LRP6: variants seen among roughly 807,000 people sequenced by gnomAD.
LRP6 encodes low-density lipoprotein receptor-related protein 6.
Under a neutral mutation model 184.1 loss-of-function variants are expected in LRP6, and 43 were observed. The ratio of observed to expected loss-of-function variants is 0.23; its 90% CI spans 0.18 to 0.30. The LOEUF is 0.30. Ranked by LOEUF, LRP6 falls within the 10% of genes least tolerant of loss-of-function variation. The probability of loss-of-function intolerance (pLI) is 1.00; values close to 1 mark genes in which losing one functional copy is unlikely to be tolerated. For synonymous variants in LRP6, 719 were observed against 684.9 expected (o/e 1.05, Z -0.78); for missense variants, 1,571 against 2,005.3 (o/e 0.78, Z 4.14).
In LRP6 at chr12:12,138,768, A is replaced by G. The variant is rs1591875913; in HGVS notation, c.3398-234T>C. ...GTGCCCAATGTGCAGTAAATATTCT[A>G]GTTCATAGAAATGTAGAAAAGAACT... On this transcript the variant is annotated intron_variant, in intron 15 of 22. Transcript: ENST00000261349. 5.4e-6 allele frequency: 8 copies of G among 1,491,134 alleles called. No homozygotes were observed. The East Asian group carries it at 2.2e-4, about 41-fold the overall frequency. 92.4% of individuals were successfully genotyped at this position (1,491,134 alleles called of 1,614,324 possible).
chr12:12,208,408 A>G (rs929301221), intron 2 of LRP6, among the ~76,000 whole-genome samples: 14 of 152,238 alleles, frequency 9.2e-5, no homozygotes, highest in Admixed American at 9.2e-4. Context: ...CTAACTCAGT[A>G]AAGTTGCTTA....
At position 12,124,643 on chromosome 12, in the gene LRP6, G is replaced by T. The variant is rs1159445180; in HGVS notation, c.4469C>A (p.Ser1490Tyr). 6.2e-7 allele frequency: 1 copy of T among 1,611,954 alleles called. No individual in the cohort carries two copies. The highest frequency in any genetic ancestry group is 1.7e-5 in the Admixed American group (1 of 60,004). ...GTAATGTGATCGCTCTGTGGCTGGG[G>T]ATGGTGGAGGGTTCAAAATCTAAAA... is the stretch of plus-strand genomic sequence containing the variant. ...YFPAILNPPP[S>Y]PATERSHYTM... Residue 1490 changes from serine to tyrosine, a missense_variant, in exon 22 of 23, where the codon TCC becomes TAC. Around this residue, in one of 4 missense-constraint regions of LRP6, gnomAD observed 763 missense variants for 859.5 expected, o/e 0.89. Coordinates refer to ENST00000261349, the MANE Select transcript of LRP6 (RefSeq NM_002336.3).
At chr12:12,172,813 C>G (rs1432982282) in intron 7 of LRP6, among the ~76,000 whole-genome samples, 1 of 152,098 alleles carries the variant, frequency 6.6e-6, no homozygotes, top group Non-Finnish European at 1.5e-5. Flanking sequence ...ACTGAGATGA[C>G]AAGTATAAAG....
chr12:12,261,475 A>G (rs1865615599), intron 1 of LRP6, among the ~76,000 whole-genome samples: 1 of 152,194 alleles, frequency 6.6e-6, no homozygotes, highest in Non-Finnish European at 1.5e-5. Flanking sequence ...TAAAACCTTA[A>G]AATTTAATAA....
intron 3 of LRP6, among the ~76,000 whole-genome samples, chr12:12,201,790 T>C (rs888049519): frequency 1.3e-5 from 2 of 152,226 alleles, no homozygotes; most frequent in Non-Finnish European, 2.9e-5. Context: ...ATTCATCATA[T>C]ACTTACTTTT....
intron 9 of LRP6, among the ~76,000 whole-genome samples, chr12:12,162,719 G>A (rs1862769165): frequency 6.6e-6 from 1 of 152,146 alleles, no homozygotes; most frequent in Non-Finnish European, 1.5e-5. Context: ...TAATCAAGTG[G>A]AAAAGCTGTG....
intron 2 of LRP6, among the ~76,000 whole-genome samples, chr12:12,231,486 C>T (rs933971601): frequency 6.6e-6 from 1 of 152,080 alleles, no homozygotes; most frequent in Non-Finnish European, 1.5e-5. Flanking sequence ...ACTGCCCCTA[C>T]ATAGGTTTAG....
chr12:12,203,096 G>A, intron 3 of LRP6, 107 bp downstream of exon 3: 1 of 739,846 alleles, frequency 1.4e-6, no homozygotes, highest in Admixed American at 2.9e-5. Context: ...CTTCCCCTCT[G>A]GCACTTAGTC....
chr12:12,263,408 T>C (rs1865675770), intron 1 of LRP6, among the ~76,000 whole-genome samples: 1 of 150,818 alleles, frequency 6.6e-6, no homozygotes, highest in Admixed American at 6.6e-5. Flanking sequence ...ACCCCGTCTC[T>C]ACTAAAAAAT....
At chr12:12,203,499 G>T in intron 2 of LRP6, 99 bp from the exon 3 acceptor site, 1 of 939,530 alleles carries the variant, frequency 1.1e-6, no homozygotes, top group Non-Finnish European at 1.7e-6. Context: ...GCGCGCAGTG[G>T]CTCACACTTG....
In LRP6 at chr12:12,139,067, C is replaced by G. The variant is rs551896444; in HGVS notation, c.3398-533G>C. On this transcript the variant is annotated intron_variant, in intron 15 of 22. Coordinates refer to ENST00000261349, the MANE Select transcript of LRP6 (RefSeq NM_002336.3). ...GCTATTGTTGCACAGTGAGAAAGTT[C>G]TTTTATACAGTGGGCTAAAATCTGT... 2.9e-5 allele frequency: 35 copies of G among 1,201,430 alleles called. No homozygotes were observed. The South Asian group carries it at 4.3e-4, about 15-fold the overall frequency. The allele number at this position is 1,201,430 out of a possible 1,614,324, so 74.4% of individuals were successfully genotyped here.
At chr12:12,195,505 C>T (rs1050768723) in intron 3 of LRP6, among the ~76,000 whole-genome samples, 2 of 151,962 alleles carry the variant, frequency 1.3e-5, no homozygotes, top group Non-Finnish European at 2.9e-5. Context: ...TCTTTTGATA[C>T]ATGTCTATTC....
chr12:12,153,604 A>G (rs1950110287), intron 12 of LRP6, among the ~76,000 whole-genome samples: 3 of 152,226 alleles, frequency 2.0e-5, no homozygotes, highest in African/African-American at 7.2e-5. Context: ...TTATTTCTAA[A>G]AGGCAGCTAA....
At position 12,126,926 on chromosome 12, in the gene LRP6, A is replaced by C; in HGVS notation, c.4082-5T>G. 1.2e-6 allele frequency: 2 copies of C among 1,607,092 alleles called. No individual in the cohort carries two copies. Among genetic ancestry groups the C allele is most frequent in the South Asian group, 2.2e-5 (2 of 90,930 alleles). On this transcript the variant is annotated splice_polypyrimidine_tract_variant and splice_region_variant and intron_variant, in intron 19 of 22. Transcript: ENST00000261349. ...GTGCTGGTTCTTCAGTCGGATCTAC[A>C]ATGAAGAATGCAGTATGGTTATTTA...
intron 2 of LRP6, among the ~76,000 whole-genome samples, chr12:12,230,723 A>T (rs1339449500): frequency 6.6e-6 from 1 of 152,208 alleles, no homozygotes; most frequent in African/African-American, 2.4e-5. Context: ...TGGTAAAAAG[A>T]CAACCAGAAA....
intron 2 of LRP6, among the ~76,000 whole-genome samples, chr12:12,216,210 CAG>C (rs780628280): frequency 1.1e-4 from 16 of 152,170 alleles, no homozygotes; most frequent in East Asian, 5.8e-4. Flanking sequence ...AGGGAGAAGA[CAG>C]AAAGATTTGG....
chr12:12,232,789 A>T (rs905907769), intron 2 of LRP6, among the ~76,000 whole-genome samples: 8 of 152,228 alleles, frequency 5.3e-5, no homozygotes, highest in African/African-American at 1.9e-4. Flanking sequence ...AATAATCAAT[A>T]GATGAGTGGT....
chr12:12,202,001 TAC>T (rs1350841851), intron 3 of LRP6, among the ~76,000 whole-genome samples: 2 of 152,226 alleles, frequency 1.3e-5, no homozygotes, highest in African/African-American at 4.8e-5. Flanking sequence ...GAAAAAATCC[TAC>T]AGTCACCAAA....
chr12:12,126,851 A>T lies in LRP6; in HGVS notation c.4152T>A (p.Ile1384=). Residue 1384 remains isoleucine (I), a synonymous_variant, in exon 20 of 23, where the codon ATT becomes ATA. Coordinates refer to ENST00000261349, the MANE Select transcript of LRP6 (RefSeq NM_002336.3). ...VGSVIGVIVT[I]FVSGTVYFIC... ...TAAAGTATACAGTTCCAGACACAAA[A>T]ATGGTGACAATTACGCCAATAACAG... 6.2e-7 allele frequency: 1 copy of T among 1,614,124 alleles called. No homozygotes were observed. The highest frequency in any genetic ancestry group is 1.6e-4 in the Middle Eastern group (1 of 6,062).
Sources: allele counts gnomAD v4.1 joint callset (sites outside exome capture counted in the v4.1 genomes callset), GRCh38; gene constraint gnomAD v4.1.1; regional missense constraint gnomAD v4.1.1; transcripts MANE v1.5; gene names NCBI Gene and HGNC (gene_info 2026-07-23, HGNC 2026-07-21).